The following ATP6V0A1 variants were observed in gnomAD, a reference collection of about 807,000 sequenced individuals.
The protein encoded by ATP6V0A1 is ATPase H+ transporting V0 subunit a1.
ATP6V0A1 carries 43 observed loss-of-function variants against 105.4 expected under a neutral mutation model. The observed-to-expected ratio is 0.41, with a 90% CI of 0.32 to 0.53. The LOEUF (loss-of-function observed/expected upper bound fraction) is 0.53. ATP6V0A1 is among the 20% of genes least tolerant of loss of function. The probability of loss-of-function intolerance (pLI) is 0.30; values close to 1 mark genes in which losing one functional copy is unlikely to be tolerated. For missense variants in ATP6V0A1, 676 were observed against 1,051.1 expected, an observed-to-expected ratio of 0.64 and a Z score of 4.93; for synonymous variants, 362 against 372.8, an observed-to-expected ratio of 0.97 and a Z score of 0.33.
At position 42,490,516 on chromosome 17, in the gene ATP6V0A1, T is replaced by C. The variant is rs763583289; in HGVS notation, c.1053T>C (p.Ile351=). 5.0e-6 allele frequency: 8 copies of C among 1,609,612 alleles called. No homozygotes were observed. In the South Asian group the frequency reaches 8.9e-5, roughly 18 times the overall value. ...TEHSGSTVPS[I]LNRMQTNQTP... is the part of the protein sequence containing the mutation. ...ACAGTGGTTCCACTGTACCTTCCAT[T>C]TTGAACAGGATGCAGACAAACCAGA... is the stretch of plus-strand genomic sequence containing the variant. Residue 351 remains isoleucine (I), a synonymous_variant, in exon 11 of 22, where the codon ATT becomes ATC. Transcript: ENST00000343619.
Position 42,493,979 on chromosome 17 carries a change from C to T in ATP6V0A1, c.1175-355C>T, listed in dbSNP as rs186620688. On this transcript the variant is annotated intron_variant, in intron 11 of 21. Coordinates refer to ENST00000343619, the MANE Select transcript of ATP6V0A1 (RefSeq NM_001130021.3). Reference sequence around the variant, plus strand: ...TTATGGAAGCCTGGGCACGGTGGCTCACGCCTGTAATGCCAGCACTTTGGG... The same window carrying T: ...TTATGGAAGCCTGGGCACGGTGGCTTACGCCTGTAATGCCAGCACTTTGGG... Among the ~76,000 whole-genome samples, 952 of 152,192 alleles carry T rather than the reference C, an allele frequency of 6.3e-3. 2 individuals carry two copies. The highest frequency in any genetic ancestry group is 0.01 in the Non-Finnish European group (692 of 68,022).
chr17:42,466,103 CTTCTGTGATA>C (rs1466099630), intron 2 of ATP6V0A1, among the ~76,000 whole-genome samples: 1 of 152,180 alleles, frequency 6.6e-6, no homozygotes, highest in African/African-American at 2.4e-5. Flanking sequence ...CCAGAGAGAG[CTTCTGTGATA>C]TTCATTGCCC....
At chr17:42,516,691 C>T (rs762142800) in intron 21 of ATP6V0A1, among the ~76,000 whole-genome samples, 4 of 152,206 alleles carry the variant, frequency 2.6e-5, no homozygotes, top group African/African-American at 4.8e-5. Flanking sequence ...AGAGCAAGGC[C>T]GCCTGGGCTT....
intron 15 of ATP6V0A1, 83 bp downstream of exon 15, chr17:42,499,125 G>T: frequency 9.6e-7 from 1 of 1,044,018 alleles, no homozygotes; most frequent in Admixed American, 2.0e-5. Context: ...TCTTTGGGGA[G>T]GGATTAATAA....
intron 15 of ATP6V0A1, 85 bp downstream of exon 15, chr17:42,499,127 G>GATTA (rs1306286476): frequency 9.9e-7 from 1 of 1,013,422 alleles, no homozygotes; most frequent in Non-Finnish European, 1.5e-6. Flanking sequence ...TTTGGGGAGG[G>GATTA]ATTAATAACT....
intron 5 of ATP6V0A1, among the ~76,000 whole-genome samples, chr17:42,473,876 A>G (rs2088336351): frequency 6.6e-6 from 1 of 152,256 alleles, no homozygotes; most frequent in Admixed American, 6.5e-5. Flanking sequence ...TTAAAATCAT[A>G]ATTTATGGAT....
Position 42,494,399 on chromosome 17 carries a change from A to G in ATP6V0A1, c.1240A>G (p.Ile414Val). The change falls in exon 12 of 22, where the codon ATT becomes GTT. Residue 414 changes from isoleucine (I) to valine (V), a missense_variant. Transcript: ENST00000343619. ...GATGTTTGGAGACTTCGGTCATGGC[A>G]TTTTAATGACCCTTTTTGCTGTGTG... ...AVMFGDFGHG[I>V]LMTLFAVWMV... The G allele has an allele frequency of 8.1e-6, 13 of 1,613,690 alleles. No individual in the cohort carries two copies. Among genetic ancestry groups the G allele is most frequent in the Non-Finnish European group, 1.1e-5 (13 of 1,179,640 alleles).
rs769573020 is a variant in ATP6V0A1, at chr17:42,514,232, T to C, written c.2249-57T>C. 20 of 1,528,696 alleles carry C rather than the reference T, an allele frequency of 1.3e-5. No homozygotes were observed. The East Asian group carries it at 2.3e-4, about 17-fold the overall frequency. The allele number at this position is 1,528,696 out of a possible 1,614,324, so 94.7% of individuals were successfully genotyped here. On this transcript the variant is annotated intron_variant, in intron 20 of 21. Coordinates refer to ENST00000343619, the MANE Select transcript of ATP6V0A1 (RefSeq NM_001130021.3). ...CAGGGGGATGGCAGAGCAAAATTCATGGCCTACAGCTGCCTCTTGCCAAAC... is the reference window on the plus strand; with the variant it reads ...CAGGGGGATGGCAGAGCAAAATTCACGGCCTACAGCTGCCTCTTGCCAAAC...
Position 42,512,054 on chromosome 17 carries a change from G to A in ATP6V0A1, c.2131-1807G>A, listed in dbSNP as rs141815387. Among the ~76,000 whole-genome samples, 1,139 of 152,292 alleles carry A rather than the reference G, an allele frequency of 7.5e-3. 8 individuals carry two copies. Among genetic ancestry groups the A allele is most frequent in the Non-Finnish European group, 0.011 (746 of 68,008 alleles). On this transcript the variant is annotated intron_variant, in intron 19 of 21. Transcript: ENST00000343619. ...AAGGTGGAAGCCAGGGTGCAGTAGGGTGAGGACTGGCTGGGCAGAGAGGAA... is the reference window on the plus strand; with the variant it reads ...AAGGTGGAAGCCAGGGTGCAGTAGGATGAGGACTGGCTGGGCAGAGAGGAA...
rs780646249 is a variant in ATP6V0A1 at position 42,521,021 on chromosome 17, C to A, written c.2421-6C>A. 1 of 1,588,918 alleles carries A rather than the reference C, an allele frequency of 6.3e-7. No individual in the cohort carries two copies. On this transcript the variant is annotated splice_polypyrimidine_tract_variant and splice_region_variant and intron_variant, in intron 21 of 21. Transcript: ENST00000343619. This position sits in a 1 kb window ranked among gnomAD's most constrained non-coding sequence, Gnocchi z 4.8. ...GAATGACAGCTTTCTTCTTCTCTTT[C>A]TCCAGGGTTGAGTTCCAGAATAAAT...
At chr17:42,468,390 A>T (rs1055570506) in intron 4 of ATP6V0A1, among the ~76,000 whole-genome samples, 1 of 151,934 alleles carries the variant, frequency 6.6e-6, no homozygotes, top group Non-Finnish European at 1.5e-5. Flanking sequence ...GAACATTTCA[A>T]TTCTTCTCTT....
At chr17:42,481,875 G>T (rs1237398649) in intron 8 of ATP6V0A1, among the ~76,000 whole-genome samples, 1 of 151,886 alleles carries the variant, frequency 6.6e-6, no homozygotes. Context: ...AGAGTCTTGC[G>T]CTGCCACCCA....
At chr17:42,501,551 A>C (rs1299416300) in intron 17 of ATP6V0A1, among the ~76,000 whole-genome samples, 1 of 151,990 alleles carries the variant, frequency 6.6e-6, no homozygotes, top group Non-Finnish European at 1.5e-5. Flanking sequence ...TGTCACTGGG[A>C]TTATAGGTGT....
chr17:42,479,139 A>G (rs1164323762), intron 7 of ATP6V0A1: 2 of 152,224 alleles, frequency 1.3e-5, no homozygotes, highest in African/African-American at 4.8e-5. Context: ...TGAACTTCTG[A>G]TCTCAAGTGA....
intron 19 of ATP6V0A1, chr17:42,513,594 G>A (rs1372119208): frequency 2.5e-6 from 1 of 404,172 alleles, no homozygotes; most frequent in Non-Finnish European, 4.5e-6. Context: ...TTAAGATGTA[G>A]TTAATTAAAA....
At chr17:42,462,813 A>G (rs1398405500) in intron 2 of ATP6V0A1, among the ~76,000 whole-genome samples, 1 of 151,524 alleles carries the variant, frequency 6.6e-6, no homozygotes, top group African/African-American at 2.4e-5. Context: ...GGGTCTCGCC[A>G]TGTTACCCAG....
At chr17:42,494,566 G>T in intron 12 of ATP6V0A1, 93 bp downstream of exon 12, 1 of 1,416,348 alleles carries the variant, frequency 7.1e-7, no homozygotes. Context: ...TTTTATCCAT[G>T]AATTTATCAA....
rs2088402275 is a variant in ATP6V0A1 at position 42,474,213 on chromosome 17, A to G, written c.424-3447A>G. On this transcript the variant is annotated intron_variant, in intron 5 of 21. Coordinates refer to ENST00000343619, the MANE Select transcript of ATP6V0A1 (RefSeq NM_001130021.3). Reference sequence around the variant, plus strand: ...AGACGGGCGTTTCACCATATTGGCCAGGCTGGTCTCGAACTCTGACCTCGT... The same window carrying G: ...AGACGGGCGTTTCACCATATTGGCCGGGCTGGTCTCGAACTCTGACCTCGT... Among the ~76,000 whole-genome samples the G allele has an allele frequency of 2.0e-5, 3 of 151,982 alleles. No homozygotes were observed. In the East Asian group the frequency reaches 5.8e-4, roughly 29 times the overall value.
In ATP6V0A1 at chr17:42,501,211, T is replaced by C. The variant is rs199968362; in HGVS notation, c.1911T>C (p.Cys637=). Residue 637 remains cysteine, a synonymous_variant, in exon 17 of 22, where the codon TGT becomes TGC. Coordinates refer to ENST00000343619, the MANE Select transcript of ATP6V0A1 (RefSeq NM_001130021.3). ...TTACTCTGCAGAAAGGAATTCAGTG[T>C]TTCCTGGTAGTGGTTGCACTACTGT... ...MLYSGQKGIQ[C]FLVVVALLCV... is the part of the protein sequence containing the mutation. 5.1e-5 allele frequency: 82 copies of C among 1,613,396 alleles called. No homozygotes were observed. Among genetic ancestry groups the C allele is most frequent in the Non-Finnish European group, 6.4e-5 (76 of 1,179,674 alleles).
Sources: allele counts gnomAD v4.1 joint callset (sites outside exome capture counted in the v4.1 genomes callset), GRCh38; gene constraint gnomAD v4.1.1; non-coding constraint Gnocchi (gnomAD v3.1); transcripts MANE v1.5; gene names NCBI Gene and HGNC (gene_info 2026-07-23, HGNC 2026-07-21).